The following MYOM1 variants were observed in gnomAD, a reference collection of about 807,000 sequenced individuals.
MYOM1 encodes the protein myomesin 1.
MYOM1 carries 164 observed loss-of-function variants against 205.3 expected under a neutral mutation model. The observed-to-expected ratio is 0.80, with a 90% confidence interval of 0.70 to 0.91. The LOEUF (loss-of-function observed/expected upper bound fraction) is 0.91. Among genes scored for constraint, MYOM1 ranks in the 40% least tolerant of loss-of-function variants. The probability of loss-of-function intolerance (pLI) is 0.00; values close to 1 mark genes in which losing one functional copy is unlikely to be tolerated. For missense variants in MYOM1, 2,011 were observed against 2,127.3 expected (o/e 0.95, Z 1.08); for synonymous variants, 772 against 789.4 (o/e 0.98, Z 0.37).
At chr18:3,221,956 A>G (rs1362140371), upstream of MYOM1, among the ~76,000 whole-genome samples, 1 of 152,258 alleles carries the variant, frequency 6.6e-6, no homozygotes, top group Non-Finnish European at 1.5e-5. Flanking sequence ...AGCCATTAGG[A>G]TGATTCCTGG....
intron 25 of MYOM1, among the ~76,000 whole-genome samples, chr18:3,095,167 T>A (rs888925972): frequency 6.6e-6 from 1 of 152,050 alleles, no homozygotes; most frequent in Non-Finnish European, 1.5e-5. Flanking sequence ...TTGAGGGGGT[T>A]TCAAGGTGGA....
At chr18:3,224,892 G>A (rs545978727), upstream of MYOM1, among the ~76,000 whole-genome samples, 399 of 152,186 alleles carry the variant, frequency 2.6e-3, 4 homozygotes, top group African/African-American at 9.1e-3. Context: ...GTATTGAACT[G>A]CTGACCTCGT....
chr18:3,086,158 G>C lies in MYOM1; in HGVS notation c.4138-7C>G, dbSNP rs772811909. 6.5e-7 allele frequency: 1 copy of C among 1,535,176 alleles called. No homozygotes were observed. Among genetic ancestry groups the C allele is most frequent in the Non-Finnish European group, 8.9e-7 (1 of 1,124,394 alleles). On this transcript the variant is annotated splice_region_variant and splice_polypyrimidine_tract_variant and intron_variant, in intron 29 of 37. Coordinates refer to ENST00000356443, the MANE Select transcript of MYOM1 (RefSeq NM_003803.4). The stretch of plus-strand genomic sequence containing the variant: ...CCTTCTTAATATTTGCCACCTAGGA[G>C]AAAAACCATAATTACTTTTCTTAAA...
At chr18:3,221,751 G>A (rs144749799), upstream of MYOM1, among the ~76,000 whole-genome samples, 23 of 152,320 alleles carry the variant, frequency 1.5e-4, no homozygotes, top group African/African-American at 5.5e-4. Flanking sequence ...GTTCCACCTA[G>A]TTCTGATCCA....
chr18:3,087,632 G>C (rs1281168805), intron 29 of MYOM1, among the ~76,000 whole-genome samples: 1 of 151,796 alleles, frequency 6.6e-6, no homozygotes, highest in Admixed American at 6.6e-5. Flanking sequence ...TGGAACCACA[G>C]GTGCCTGCCA....
the MYOM1 span, among the ~76,000 whole-genome samples, chr18:3,245,481 T>C: frequency 9.6e-4 from 147 of 152,358 alleles, no homozygotes; most frequent in African/African-American, 3.5e-3. Flanking sequence ...GATAGAAATA[T>C]CAGAGTCAGA....
At chr18:3,076,660 A>T (rs1368774523) in intron 34 of MYOM1, among the ~76,000 whole-genome samples, 2 of 152,128 alleles carry the variant, frequency 1.3e-5, no homozygotes, top group Non-Finnish European at 2.9e-5. Flanking sequence ...TAGTTCTCAA[A>T]TAATTTTTTT....
At chr18:3,126,221 C>G (rs2079778831) in intron 19 of MYOM1, among the ~76,000 whole-genome samples, 1 of 146,372 alleles carries the variant, frequency 6.8e-6, no homozygotes, top group African/African-American at 2.5e-5. Flanking sequence ...GTTGAGATCA[C>G]ACTCCTGCAT....
At chr18:3,080,439 G>A (rs912256050) in intron 33 of MYOM1, among the ~76,000 whole-genome samples, 3 of 151,934 alleles carry the variant, frequency 2.0e-5, no homozygotes, top group Non-Finnish European at 4.4e-5. Flanking sequence ...TTTGGGAAGC[G>A]GAGGCAGGCG....
rs1308518556 is a variant in MYOM1 at position 3,102,617 on chromosome 18, A to C, written c.3432T>G (p.Val1144=). The change falls in exon 23 of 38, where the codon GTT becomes GTG. Residue 1144 remains valine, a synonymous_variant. Transcript: ENST00000356443. ...VAETRPGTKE[V]VVNVDDDGVI... is the part of the protein sequence containing the mutation. ...CTCCATCATCATCCACATTTACAAC[A>C]ACCTCTTTGGTTCCTACAAGATCAA... 6.2e-7 allele frequency: 1 copy of C among 1,613,160 alleles called. No individual in the cohort carries two copies. Among genetic ancestry groups the C allele is most frequent in the African/African-American group, 1.3e-5 (1 of 74,904 alleles).
chr18:3,214,869 G>A, intron 2 of MYOM1, 65 bp downstream of exon 2: 1 of 1,475,714 alleles, frequency 6.8e-7, no homozygotes, highest in South Asian at 1.4e-5. Flanking sequence ...AAGTAACTGG[G>A]AGGGTTACTC....
rs536107392 is a variant in MYOM1 at position 3,131,571 on chromosome 18, G to A, written c.2385-75C>T. The A allele has an allele frequency of 4.1e-4, 530 of 1,302,066 alleles. 1 individual carries two copies. The highest frequency in any genetic ancestry group is 5.4e-4 in the Non-Finnish European group (506 of 936,242). The allele number at this position is 1,302,066 out of a possible 1,614,324, so 80.7% of individuals were successfully genotyped here. ...AAGATGATTGTTAGCTTAATGGAGT[G>A]GATCTGGCTTTATGAAAACAATTCT... On this transcript the variant is annotated intron_variant, in intron 16 of 37. Coordinates refer to ENST00000356443, the MANE Select transcript of MYOM1 (RefSeq NM_003803.4).
chr18:3,133,229 A>T (rs923083539), intron 16 of MYOM1, among the ~76,000 whole-genome samples: 2 of 152,058 alleles, frequency 1.3e-5, no homozygotes, highest in Admixed American at 1.3e-4. Flanking sequence ...GCCTTCCCTA[A>T]TTAATCATTT....
chr18:3,071,988 T>G (rs1361584005), intron 36 of MYOM1, 99 bp from the exon 37 acceptor site: 2 of 1,000,320 alleles, frequency 2.0e-6, no homozygotes, highest in East Asian at 2.6e-5. Context: ...TTTAGTTTCC[T>G]TCTCCTGATA....
chr18:3,074,351 G>A (rs1319705385), intron 36 of MYOM1, among the ~76,000 whole-genome samples: 1 of 152,158 alleles, frequency 6.6e-6, no homozygotes, highest in African/African-American at 2.4e-5. Context: ...GTTCAAAGTT[G>A]CACCCAGAGG....
At chr18:3,123,649 T>G (rs2079732041) in intron 19 of MYOM1, among the ~76,000 whole-genome samples, 2 of 151,536 alleles carry the variant, frequency 1.3e-5, no homozygotes, top group Non-Finnish European at 2.9e-5. Flanking sequence ...TGTTTTCTTT[T>G]GTTTTGTCTT....
At chr18:3,073,640 T>G (rs2078986648) in intron 36 of MYOM1, among the ~76,000 whole-genome samples, 1 of 152,256 alleles carries the variant, frequency 6.6e-6, no homozygotes, top group Non-Finnish European at 1.5e-5. Context: ...GCATTAGACC[T>G]GGGGATACTA....
At chr18:3,158,531 C>T (rs2080334795) in intron 10 of MYOM1, among the ~76,000 whole-genome samples, 1 of 152,240 alleles carries the variant, frequency 6.6e-6, no homozygotes, top group Non-Finnish European at 1.5e-5. Context: ...GTGCCTGTTC[C>T]TCCATTCCTT....
At chr18:3,123,208 G>A (rs80169241) in intron 19 of MYOM1, among the ~76,000 whole-genome samples, 2,169 of 152,032 alleles carry the variant, frequency 0.014, 52 homozygotes, top group African/African-American at 0.05. Context: ...TATAAAATTT[G>A]GAAATGAAGT....
Sources: allele counts gnomAD v4.1 joint callset (sites outside exome capture counted in the v4.1 genomes callset), GRCh38; gene constraint gnomAD v4.1.1; transcripts MANE v1.5; gene names NCBI Gene and HGNC (gene_info 2026-07-23, HGNC 2026-07-21).